Variants in CCDC7 observed in about 807,000 individuals in gnomAD.
CCDC7 encodes coiled-coil domain containing 7.
CCDC7 carries 183 observed loss-of-function variants against 196.9 expected under a neutral mutation model. The ratio of observed to expected loss-of-function variants is 0.93; its 90% confidence interval spans 0.82 to 1.05. The LOEUF (loss-of-function observed/expected upper bound fraction) is 1.05. Ranked by LOEUF, CCDC7 falls within the 50% of genes least tolerant of loss-of-function variation. CCDC7 has a pLI of 0.00. For missense variants in CCDC7, 1,540 were observed against 1,482.2 expected (o/e 1.04, Z -0.64); for synonymous variants, 525 against 484.6 (o/e 1.08, Z -1.10).
intron 9 of CCDC7, among the ~76,000 whole-genome samples, chr10:32,492,462 G>A (rs2042299873): frequency 6.6e-6 from 1 of 152,004 alleles, no homozygotes; most frequent in Non-Finnish European, 1.5e-5. Flanking sequence ...ATGAATAAAT[G>A]GATAAACAAA....
intron 28 of CCDC7, among the ~76,000 whole-genome samples, chr10:32,740,203 C>A (rs188643475): frequency 2.0e-5 from 3 of 151,982 alleles, no homozygotes; most frequent in African/African-American, 7.3e-5. Context: ...TCCCCCAGGT[C>A]TATATTGTAT....
At chr10:32,853,780 T>G (rs1039097555) in intron 40 of CCDC7, among the ~76,000 whole-genome samples, 27 of 152,222 alleles carry the variant, frequency 1.8e-4, no homozygotes, top group African/African-American at 6.5e-4. Flanking sequence ...AAACTTTATC[T>G]AAAAATTTGC....
At chr10:32,641,630 C>A (rs2066818317) in intron 20 of CCDC7, among the ~76,000 whole-genome samples, 1 of 152,170 alleles carries the variant, frequency 6.6e-6, no homozygotes, top group Non-Finnish European at 1.5e-5. Context: ...GTTTGATCGT[C>A]TGAAGCCTTC....
intron 18 of CCDC7, among the ~76,000 whole-genome samples, chr10:32,627,802 T>C (rs1207548707): frequency 6.6e-6 from 1 of 152,034 alleles, no homozygotes; most frequent in Non-Finnish European, 1.5e-5. Flanking sequence ...TCTGTTAATA[T>C]GATATATCAC....
chr10:32,624,344 A>G (rs1256870549), intron 18 of CCDC7, among the ~76,000 whole-genome samples: 2 of 152,144 alleles, frequency 1.3e-5, no homozygotes, highest in African/African-American at 4.8e-5. Flanking sequence ...CCACTTTCCA[A>G]AGAGCTGCAG....
At chr10:32,626,753 A>G (rs1336918481) in intron 18 of CCDC7, among the ~76,000 whole-genome samples, 1 of 151,976 alleles carries the variant, frequency 6.6e-6, no homozygotes, top group African/African-American at 2.4e-5. Flanking sequence ...TAAGAGCCCA[A>G]TTTAATTCTT....
chr10:32,489,469 C>A (rs866471755), intron 8 of CCDC7, among the ~76,000 whole-genome samples: 1 of 152,306 alleles, frequency 6.6e-6, no homozygotes, highest in Middle Eastern at 3.4e-3. Flanking sequence ...GCTGAGGTTG[C>A]AGCCCACATG....
intron 11 of CCDC7, among the ~76,000 whole-genome samples, chr10:32,542,779 T>C (rs1234896053): frequency 1.3e-5 from 2 of 152,200 alleles, no homozygotes; most frequent in Non-Finnish European, 2.9e-5. Flanking sequence ...ACTCACAAGT[T>C]GCAACCTATT....
At chr10:32,560,923 A>AC (rs201202566) in intron 13 of CCDC7, among the ~76,000 whole-genome samples, 8,061 of 152,192 alleles carry the variant, frequency 0.053, 711 homozygotes, top group African/African-American at 0.18. Flanking sequence ...TATTCAGGAA[A>AC]CCATCTCACA....
At chr10:32,697,761 A>G (rs534678381) in intron 24 of CCDC7, among the ~76,000 whole-genome samples, 1 of 152,218 alleles carries the variant, frequency 6.6e-6, no homozygotes, top group Non-Finnish European at 1.5e-5. Flanking sequence ...TAGCTGAACA[A>G]AAGGCAGCGG....
At chr10:32,647,261 C>A (rs1376706307) in intron 20 of CCDC7, among the ~76,000 whole-genome samples, 1 of 152,164 alleles carries the variant, frequency 6.6e-6, no homozygotes, top group African/African-American at 2.4e-5. Flanking sequence ...AATCCCAACA[C>A]TTTGGGAGGC....
At chr10:32,585,563 C>T (rs1323633449) in intron 18 of CCDC7, among the ~76,000 whole-genome samples, 2 of 152,116 alleles carry the variant, frequency 1.3e-5, no homozygotes, top group East Asian at 3.9e-4. Context: ...TGTGATGTTC[C>T]CCTCCCTGTG....
intron 24 of CCDC7, among the ~76,000 whole-genome samples, chr10:32,702,261 C>G (rs977836996): frequency 5.9e-5 from 9 of 152,156 alleles, no homozygotes; most frequent in Admixed American, 2.0e-4. Flanking sequence ...TTATTTCTGC[C>G]TTCATTTCGT....
chr10:32,842,672 G>T (rs907609705), intron 33 of CCDC7, among the ~76,000 whole-genome samples: 7 of 152,042 alleles, frequency 4.6e-5, no homozygotes, highest in African/African-American at 1.7e-4. Context: ...ATTTGCCATT[G>T]CAAAAATATG....
chr10:32,848,755 T>C, intron 39 of CCDC7, 37 bp downstream of exon 40: 1 of 1,381,590 alleles, frequency 7.2e-7, no homozygotes, highest in South Asian at 1.2e-5. Context: ...ATTCAGTATC[T>C]AATTACCTAG....
At chr10:32,520,876 T>A (rs1371012228) in intron 11 of CCDC7, among the ~76,000 whole-genome samples, 1 of 152,160 alleles carries the variant, frequency 6.6e-6, no homozygotes, top group Non-Finnish European at 1.5e-5. Context: ...AAGTCTTTAA[T>A]CCATTTTGAT....
intron 29 of CCDC7, among the ~76,000 whole-genome samples, chr10:32,803,916 T>C (rs894741363): frequency 2.6e-5 from 4 of 152,302 alleles, no homozygotes; most frequent in Non-Finnish European, 4.4e-5. Context: ...GCCTCCACCA[T>C]TGAAACTACC....
chr10:32,497,332 C>A (rs566712850), intron 9 of CCDC7, among the ~76,000 whole-genome samples: 2 of 152,216 alleles, frequency 1.3e-5, no homozygotes, highest in East Asian at 1.9e-4. Flanking sequence ...TTGATCTTTT[C>A]AAAAAACCAG....
intron 31 of CCDC7, among the ~76,000 whole-genome samples, chr10:32,815,488 A>C (rs1414424175): frequency 6.6e-6 from 1 of 152,190 alleles, no homozygotes; most frequent in Non-Finnish European, 1.5e-5. Context: ...GGGTCAAGAA[A>C]AGATTTGAAA....
Sources: allele counts gnomAD v4.1 joint callset (sites outside exome capture counted in the v4.1 genomes callset), GRCh38; gene constraint gnomAD v4.1.1; transcripts MANE v1.5; gene names NCBI Gene and HGNC (gene_info 2026-07-23, HGNC 2026-07-21).